CCPG1: variants seen among roughly 807,000 people sequenced by gnomAD.
The protein encoded by CCPG1 is cell cycle progression protein 1.
Under a neutral mutation model 81.3 loss-of-function variants are expected in CCPG1, and 46 were observed. The observed-to-expected ratio is 0.57, with a 90% CI of 0.45 to 0.72. CCPG1 has a LOEUF of 0.72. Ranked by LOEUF, CCPG1 falls within the 30% of genes least tolerant of loss-of-function variation. The pLI is 0.00. For missense variants in CCPG1, 902 were observed against 937.6 expected (o/e 0.96, Z 0.50); for synonymous variants, 330 against 305.2 (o/e 1.08, Z -0.85).
chr15:55,385,137 G>A, intron 3 of CCPG1, among the ~76,000 whole-genome samples: 1 of 152,080 alleles, frequency 6.6e-6, no homozygotes, highest in Non-Finnish European at 1.5e-5. Context: ...TGGGTTCTGT[G>A]GGCCTTCACC....
chr15:55,368,906 G>C (rs2056388307), intron 6 of CCPG1, among the ~76,000 whole-genome samples: 1 of 152,058 alleles, frequency 6.6e-6, no homozygotes, highest in Non-Finnish European at 1.5e-5. Context: ...AAGGTCAGGA[G>C]TTCGAGACCA....
chr15:55,391,847 G>A (rs1462667963), intron 1 of CCPG1, among the ~76,000 whole-genome samples: 1 of 128,062 alleles, frequency 7.8e-6, no homozygotes, highest in South Asian at 2.8e-4. Flanking sequence ...TCCAGACTGG[G>A]TAATACAGTG....
intron 1 of CCPG1, among the ~76,000 whole-genome samples, chr15:55,401,794 A>G (rs764851616): frequency 2.0e-5 from 3 of 152,226 alleles, no homozygotes; most frequent in Non-Finnish European, 4.4e-5. Flanking sequence ...CAACTTTAAG[A>G]GTAAGTATTC....
intron 6 of CCPG1, among the ~76,000 whole-genome samples, chr15:55,366,124 C>T (rs2056322284): frequency 6.6e-6 from 1 of 152,016 alleles, no homozygotes; most frequent in African/African-American, 2.4e-5. Context: ...CAGGCCAGCC[C>T]ATATGGCTCT....
chr15:55,370,044 T>A (rs1419966112), intron 6 of CCPG1, among the ~76,000 whole-genome samples: 1 of 152,128 alleles, frequency 6.6e-6, no homozygotes, highest in Non-Finnish European at 1.5e-5. Context: ...ACAACAAATT[T>A]CAAGAAAGGA....
In CCPG1 at chr15:55,365,292, T is replaced by C. The variant is rs763026556; in HGVS notation, c.724A>G (p.Lys242Glu). The C allele has an allele frequency of 9.0e-5, 137 of 1,528,542 alleles. No homozygotes were observed. Among genetic ancestry groups the C allele is most frequent in the Non-Finnish European group, 1.2e-4 (130 of 1,117,860 alleles). The allele number at this position is 1,528,542 out of a possible 1,614,324, so 94.7% of individuals were successfully genotyped here. ...ATCTTTCTGACTAACTGTTGACGCT[T>C]CTGAATCTGAATTGTGCCTAAAATA... is the stretch of plus-strand genomic sequence containing the variant. ...GHFYGTIQIQKRQQLVRKIHE... is the reference protein window; with the variant it reads ...GHFYGTIQIQERQQLVRKIHE... The change falls in exon 7 of 9, where the codon AAG (lysine) becomes GAG (glutamate). Residue 242 changes from lysine to glutamate, a missense_variant. This residue lies in a region of CCPG1 where 746 missense variants were observed against 728.6 expected (regional missense o/e 1.02). Transcript: ENST00000442196.
At chr15:55,385,828 A>T (rs926150145) in intron 2 of CCPG1, 114 bp from the exon 3 acceptor site, 1 of 685,162 alleles carries the variant, frequency 1.5e-6, no homozygotes, top group African/African-American at 1.8e-5. Flanking sequence ...GCCATACTCC[A>T]AAGGAACAGT....
At chr15:55,380,002 A>C (rs548085144) in intron 3 of CCPG1, among the ~76,000 whole-genome samples, 330 of 151,410 alleles carry the variant, frequency 2.2e-3, no homozygotes, top group African/African-American at 7.5e-3. Context: ...CCAGAGGCTG[A>C]GGCAGGAGAA....
intron 3 of CCPG1, 97 bp from the exon 4 acceptor site, chr15:55,378,473 T>G (rs994811262): frequency 4.1e-5 from 27 of 655,072 alleles, no homozygotes; most frequent in Non-Finnish European, 6.5e-5. Flanking sequence ...TAAAAATCTC[T>G]TCCTAATATG....
intron 1 of CCPG1, among the ~76,000 whole-genome samples, chr15:55,402,059 T>C (rs1429702766): frequency 6.6e-6 from 1 of 152,246 alleles, no homozygotes; most frequent in Non-Finnish European, 1.5e-5. Context: ...GTTTCTGACA[T>C]ACAGATTTCA....
chr15:55,369,263 C>T (rs866841581), intron 6 of CCPG1, among the ~76,000 whole-genome samples: 26 of 151,898 alleles, frequency 1.7e-4, no homozygotes, highest in African/African-American at 4.4e-4. Flanking sequence ...TTGCCAGGTG[C>T]GGTGGCTCAC....
intron 1 of CCPG1, among the ~76,000 whole-genome samples, chr15:55,399,376 G>C (rs762806090): frequency 1.3e-4 from 19 of 144,112 alleles, no homozygotes; most frequent in Non-Finnish European, 2.8e-4. Flanking sequence ...TTCCAGATTA[G>C]CCTGGCCAAC....
chr15:55,371,923 G>A lies in CCPG1; in HGVS notation c.576C>T (p.Asp192=), dbSNP rs780916340. The change falls in exon 6 of 9, where the codon GAC becomes GAT. Residue 192 remains aspartate (D), a synonymous_variant. Coordinates refer to ENST00000442196, the MANE Select transcript of CCPG1 (RefSeq NM_001204450.2). ...CAGTTTCTTGTTCAGCAACTAGCCG[G>A]TCTTCAGATTCTGAAGCAGAAACGG... ...KKTVSASESE[D]RLVAEQETEP... 6.2e-7 allele frequency: 1 copy of A among 1,614,194 alleles called. No homozygotes were observed. Among genetic ancestry groups the A allele is most frequent in the Admixed American group, 1.7e-5 (1 of 60,018 alleles).
intron 3 of CCPG1, among the ~76,000 whole-genome samples, chr15:55,381,201 C>T (rs1483681339): frequency 1.3e-5 from 2 of 150,626 alleles, no homozygotes; most frequent in South Asian, 2.1e-4. Context: ...TTTGGGAGGC[C>T]GAGGCAGACT....
At chr15:55,364,597 G>A (rs1240280639) in intron 7 of CCPG1, among the ~76,000 whole-genome samples, 3 of 150,912 alleles carry the variant, frequency 2.0e-5, no homozygotes, top group South Asian at 2.1e-4. Flanking sequence ...GGCCATGGCC[G>A]AGCATGGTGG....
intron 1 of CCPG1, among the ~76,000 whole-genome samples, chr15:55,404,029 CA>C (rs1252295046): frequency 6.6e-6 from 1 of 152,128 alleles, no homozygotes; most frequent in African/African-American, 2.4e-5. Context: ...GTTAGTAAAT[CA>C]GACATGTTAA....
intron 7 of CCPG1, among the ~76,000 whole-genome samples, chr15:55,362,499 G>C (rs1445567583): frequency 6.6e-6 from 1 of 152,188 alleles, no homozygotes; most frequent in Admixed American, 6.5e-5. Flanking sequence ...ACCTGTATGA[G>C]AGAAAAGAAA....
In CCPG1 at chr15:55,385,662, G is replaced by A; in HGVS notation, c.113C>T (p.Pro38Leu). ...NSVTPTDSCE[P>L]APECSSLEQE... is the part of the protein sequence containing the mutation. Reference sequence around the variant, plus strand: ...CTCTAAAGATGAACATTCTGGGGCGGGCTCACAGCTGTCAGTGGGGGTCAC... The same window carrying A: ...CTCTAAAGATGAACATTCTGGGGCGAGCTCACAGCTGTCAGTGGGGGTCAC... Residue 38 changes from proline (P) to leucine (L), a missense_variant, in exon 3 of 9, where the codon CCC becomes CTC. Coordinates refer to ENST00000442196, the MANE Select transcript of CCPG1 (RefSeq NM_001204450.2). 2 of 1,612,578 alleles carry A rather than the reference G, an allele frequency of 1.2e-6. No individual in the cohort carries two copies. Among genetic ancestry groups the A allele is most frequent in the Non-Finnish European group, 8.5e-7 (1 of 1,178,912 alleles).
intron 2 of CCPG1, among the ~76,000 whole-genome samples, chr15:55,387,172 A>G (rs1254643493): frequency 1.3e-5 from 2 of 152,236 alleles, no homozygotes; most frequent in Non-Finnish European, 2.9e-5. Flanking sequence ...ATATGATTCA[A>G]TCTGGGACAT....
Sources: allele counts gnomAD v4.1 joint callset (sites outside exome capture counted in the v4.1 genomes callset), GRCh38; gene constraint gnomAD v4.1.1; regional missense constraint gnomAD v4.1.1; transcripts MANE v1.5; gene names NCBI Gene and HGNC (gene_info 2026-07-23, HGNC 2026-07-21).